EYA1: variants seen among roughly 807,000 people sequenced by gnomAD.
The protein encoded by EYA1 is EYA transcriptional coactivator and phosphatase 1.
In EYA1, 16 loss-of-function variants were observed where a neutral mutation model predicts 82.0. The ratio of observed to expected loss-of-function variants is 0.20; its 90% CI spans 0.13 to 0.30. EYA1 has a LOEUF of 0.30. EYA1 is among the 10% of genes least tolerant of loss of function. The probability of loss-of-function intolerance (pLI) is 1.00; values close to 1 mark genes in which losing one functional copy is unlikely to be tolerated. For missense variants in EYA1, 633 were observed against 730.7 expected (o/e 0.87, Z 1.54); for synonymous variants, 261 against 264.4 (o/e 0.99, Z 0.12).
intron 2 of EYA1, among the ~76,000 whole-genome samples, chr8:71,506,717 A>T (rs1812220172): frequency 6.6e-6 from 1 of 152,210 alleles, no homozygotes; most frequent in Non-Finnish European, 1.5e-5. Context: ...AATGTAAAAA[A>T]TAAAAGCATG....
At chr8:71,442,169 G>A (rs1407291948) in intron 2 of EYA1, among the ~76,000 whole-genome samples, 1 of 152,162 alleles carries the variant, frequency 6.6e-6, no homozygotes, top group Non-Finnish European at 1.5e-5. Flanking sequence ...TAAACTAATA[G>A]TTAATAGTTA....
intron 2 of EYA1, among the ~76,000 whole-genome samples, chr8:71,375,448 GA>G (rs1029366413): frequency 4.6e-5 from 7 of 152,056 alleles, no homozygotes; most frequent in Non-Finnish European, 4.4e-5. Context: ...GGGTGGGAGT[GA>G]GATGAAAGAA....
At chr8:71,233,312 C>G (rs1041083604) in intron 12 of EYA1, among the ~76,000 whole-genome samples, 2 of 152,082 alleles carry the variant, frequency 1.3e-5, no homozygotes, top group African/African-American at 4.8e-5. Context: ...TGCCTGTAAT[C>G]CCAGCACTTT....
chr8:71,449,607 C>T (rs1412302713), intron 2 of EYA1, among the ~76,000 whole-genome samples: 2 of 152,166 alleles, frequency 1.3e-5, no homozygotes, highest in Non-Finnish European at 2.9e-5. Context: ...GATTTAGCAT[C>T]ATCCTTGAGA....
intron 1 of EYA1, among the ~76,000 whole-genome samples, chr8:71,542,907 T>G (rs908416284): frequency 3.9e-5 from 6 of 152,188 alleles, no homozygotes; most frequent in Admixed American, 1.3e-4. Flanking sequence ...AATGGGGTTT[T>G]TTTTCTTGTA....
At chr8:71,478,043 T>C (rs1031499503) in intron 2 of EYA1, among the ~76,000 whole-genome samples, 7 of 152,074 alleles carry the variant, frequency 4.6e-5, no homozygotes, top group African/African-American at 1.7e-4. Context: ...AGGAATTAGG[T>C]AGGGGATACT....
rs1808885750 is a variant in EYA1, at chr8:71,467,760, A to G, written c.33+67984T>C. Among the ~76,000 whole-genome samples, 3 of 152,296 alleles carry G rather than the reference A, an allele frequency of 2.0e-5. No homozygotes were observed. In the South Asian group the frequency reaches 6.2e-4, roughly 32 times the overall value. ...ACATGATTATGCATGAGATACATGC[A>G]CAATTATCTGAAAAATTAATAGGCT... is the stretch of plus-strand genomic sequence containing the variant. On this transcript the variant is annotated intron_variant, in intron 2 of 18. Transcript: ENST00000643681.
At chr8:71,338,140 C>T (rs926229854) in intron 3 of EYA1, among the ~76,000 whole-genome samples, 12 of 151,752 alleles carry the variant, frequency 7.9e-5, no homozygotes, top group Non-Finnish European at 4.4e-5. Context: ...AGTTAAGCTT[C>T]CCCTTTAAAA....
chr8:71,308,554 C>T (rs1328054197), intron 7 of EYA1, among the ~76,000 whole-genome samples: 2 of 152,060 alleles, frequency 1.3e-5, no homozygotes, highest in Non-Finnish European at 2.9e-5. Context: ...ACAAACCCAT[C>T]CCTCAAAACT....
At position 71,211,146 on chromosome 8, in the gene EYA1, G is replaced by A; in HGVS notation, c.1698+10C>T. On this transcript the variant is annotated intron_variant, in intron 17 of 17. Coordinates refer to ENST00000340726, the MANE Select transcript of EYA1 (RefSeq NM_000503.6). ...AAATGAGACAAGATGCACCATCTAG[G>A]AATGCTCACCTTTTTTGCTCCTTGT... is the stretch of plus-strand genomic sequence containing the variant. The A allele has an allele frequency of 6.4e-7, 1 of 1,557,200 alleles. No individual in the cohort carries two copies. The highest frequency in any genetic ancestry group is 8.9e-7 in the Non-Finnish European group (1 of 1,128,366).
chr8:71,510,238 C>T (rs1812494338), intron 2 of EYA1, among the ~76,000 whole-genome samples: 1 of 152,020 alleles, frequency 6.6e-6, no homozygotes, highest in Non-Finnish European at 1.5e-5. Flanking sequence ...GCAAAGCAAA[C>T]CCCAAAGCAA....
intron 16 of EYA1, 112 bp from the exon 17 acceptor site, chr8:71,211,368 C>T (rs1469241907): frequency 1.4e-6 from 1 of 723,426 alleles, no homozygotes; most frequent in South Asian, 1.4e-5. Flanking sequence ...GAATGCCCCA[C>T]TAGTACCTCT....
chr8:71,455,388 A>C (rs1347009544), intron 2 of EYA1, among the ~76,000 whole-genome samples: 3 of 152,194 alleles, frequency 2.0e-5, no homozygotes, highest in African/African-American at 7.2e-5. Flanking sequence ...AAAAGAGGGA[A>C]TCCTCCCTAA....
At chr8:71,436,693 T>G (rs1035865108) in intron 2 of EYA1, among the ~76,000 whole-genome samples, 6 of 152,092 alleles carry the variant, frequency 3.9e-5, no homozygotes, top group African/African-American at 1.4e-4. Flanking sequence ...ATTGTAAAAA[T>G]CGGATTAGTC....
At chr8:71,519,504 T>C (rs1038242303) in intron 2 of EYA1, among the ~76,000 whole-genome samples, 2 of 152,260 alleles carry the variant, frequency 1.3e-5, no homozygotes, top group African/African-American at 4.8e-5. Flanking sequence ...TAAGTTTTTT[T>C]AAGGGTATAA....
chr8:71,475,548 T>C (rs983989902), intron 2 of EYA1, among the ~76,000 whole-genome samples: 2 of 152,160 alleles, frequency 1.3e-5, no homozygotes, highest in Admixed American at 6.5e-5. Flanking sequence ...ATAGTGAACA[T>C]ACCTTTATTA....
intron 2 of EYA1, among the ~76,000 whole-genome samples, chr8:71,387,797 C>A (rs1829049289): frequency 6.6e-6 from 1 of 152,046 alleles, no homozygotes; most frequent in African/African-American, 2.4e-5. Context: ...GGATAAAATG[C>A]AAGCTGGAGA....
At chr8:71,282,333 A>G (rs1029994961) in intron 9 of EYA1, among the ~76,000 whole-genome samples, 5 of 152,136 alleles carry the variant, frequency 3.3e-5, no homozygotes, top group Non-Finnish European at 5.9e-5. Context: ...CTCTTTCTCT[A>G]CTGCCTTACA....
chr8:71,453,773 C>T (rs1358113755), intron 2 of EYA1, among the ~76,000 whole-genome samples: 2 of 152,096 alleles, frequency 1.3e-5, no homozygotes, highest in Admixed American at 1.3e-4. Context: ...GAAGGAAACA[C>T]TAAACATGGA....
Sources: gnomAD v4.1 joint callset for allele counts (sites outside exome capture counted in the v4.1 genomes callset) on GRCh38, gnomAD v4.1.1 for gene constraint, MANE v1.5 for transcripts, NCBI Gene and HGNC (gene_info 2026-07-23, HGNC 2026-07-21) for gene names.